Variants in ITGBL1 observed in about 807,000 individuals in gnomAD.
The protein encoded by ITGBL1 is integrin subunit beta like 1.
ITGBL1 carries 51 observed loss-of-function variants against 68.5 expected under a neutral mutation model. That is an observed-to-expected ratio of 0.74 (90% CI 0.59 to 0.94). The LOEUF (loss-of-function observed/expected upper bound fraction) is 0.94, where lower values mean the gene tolerates loss of function less well. Among genes scored for constraint, ITGBL1 ranks in the 40% least tolerant of loss-of-function variants. The pLI, the probability that ITGBL1 is intolerant of heterozygous loss-of-function variation, is 0.00. For missense variants in ITGBL1, 649 were observed against 647.4 expected, an observed-to-expected ratio of 1.00 and a Z score of -0.03; for synonymous variants, 209 against 227.3, an observed-to-expected ratio of 0.92 and a Z score of 0.72.
chr13:101,531,700 G>GTTATTTATTTTC (rs1428797895), intron 2 of ITGBL1, among the ~76,000 whole-genome samples: 1 of 139,998 alleles, frequency 7.1e-6, no homozygotes, highest in Non-Finnish European at 1.5e-5. Context: ...TTTTTATTTT[G>GTTATTTATTTTC]TTATTTATTT....
chr13:101,670,993 A>C (rs1334238666), intron 7 of ITGBL1, among the ~76,000 whole-genome samples: 1 of 152,078 alleles, frequency 6.6e-6, no homozygotes, highest in Non-Finnish European at 1.5e-5. Context: ...TTTCTTCATC[A>C]ATTTTGTCAT....
chr13:101,557,388 C>T (rs1366154501), intron 2 of ITGBL1, among the ~76,000 whole-genome samples: 1 of 152,200 alleles, frequency 6.6e-6, no homozygotes, highest in Non-Finnish European at 1.5e-5. Context: ...CACATATATG[C>T]ACATATAAAT....
At position 101,646,282 on chromosome 13, in the gene ITGBL1, CAG is replaced by C. The variant is rs1355535117; in HGVS notation, c.1016-46302_1016-46301del. On this transcript the variant is annotated intron_variant, in intron 7 of 10. Transcript: ENST00000376180. ...ATGGGTGTTTCCTTTTGAGAGCCAC[CAG>C]GTGTAATTATTTTACCTTGTTGTAT... Among the ~76,000 whole-genome samples, 134 of 151,668 alleles carry C rather than the reference CAG, an allele frequency of 8.8e-4. 1 individual carries two copies. The highest frequency in any genetic ancestry group is 1.2e-3 in the Non-Finnish European group (81 of 67,984).
chr13:101,619,694 G>T (rs896822211), intron 7 of ITGBL1, among the ~76,000 whole-genome samples: 1 of 152,070 alleles, frequency 6.6e-6, no homozygotes, highest in Non-Finnish European at 1.5e-5. Flanking sequence ...ATATTCTTTG[G>T]CATAGTCAAC....
intron 7 of ITGBL1, among the ~76,000 whole-genome samples, chr13:101,691,760 C>G (rs1482862876): frequency 6.6e-6 from 1 of 152,266 alleles, no homozygotes; most frequent in African/African-American, 2.4e-5. Flanking sequence ...AATTTTGAAT[C>G]TATTTCTTCC....
Position 101,548,731 on chromosome 13 carries a change from T to A in ITGBL1, c.317-18968T>A, listed in dbSNP as rs564571761. Among the ~76,000 whole-genome samples the A allele has an allele frequency of 2.0e-4, 31 of 151,798 alleles. 1 individual carries two copies. The South Asian group carries it at 6.2e-3, about 31-fold the overall frequency. The stretch of plus-strand genomic sequence containing the variant: ...AGCTAAAGCAAAAGAAAACAAAATA[T>A]CTGAAACAAAAGGATTATTAGAATT... On this transcript the variant is annotated intron_variant, in intron 2 of 10. Transcript: ENST00000376180.
At chr13:101,555,234 G>A (rs567685498) in intron 2 of ITGBL1, among the ~76,000 whole-genome samples, 1 of 152,192 alleles carries the variant, frequency 6.6e-6, no homozygotes, top group Non-Finnish European at 1.5e-5. Context: ...CACATCAAAA[G>A]TGAAACTTAC....
chr13:101,494,760 G>A (rs898347532), intron 2 of ITGBL1, among the ~76,000 whole-genome samples: 1 of 152,166 alleles, frequency 6.6e-6, no homozygotes, highest in African/African-American at 2.4e-5. Context: ...AGTTTAAAAA[G>A]CCAGAACCAC....
intron 2 of ITGBL1, among the ~76,000 whole-genome samples, chr13:101,469,318 T>C (rs2048425550): frequency 6.6e-6 from 1 of 152,178 alleles, no homozygotes; most frequent in Admixed American, 6.5e-5. Flanking sequence ...TATGAAGGCT[T>C]ATGGGGACAT....
rs531505297 is a variant in ITGBL1, at chr13:101,655,566, T to C, written c.1016-37019T>C. On this transcript the variant is annotated intron_variant, in intron 7 of 10. Transcript: ENST00000376180. ...GAAAATTTTAAGTTTCCCTCTCCTA[T>C]GCTTTCTATTATTTCTGTGTGTAAA... Among the ~76,000 whole-genome samples the C allele has an allele frequency of 3.3e-5, 5 of 152,290 alleles. No individual in the cohort carries two copies. In the East Asian group the frequency reaches 7.7e-4, roughly 23 times the overall value.
At chr13:101,543,368 G>A (rs1180484157) in intron 2 of ITGBL1, among the ~76,000 whole-genome samples, 15 of 152,228 alleles carry the variant, frequency 9.9e-5, no homozygotes, top group Non-Finnish European at 1.8e-4. Context: ...TTTTCTTTAC[G>A]AATGTTGAAT....
intron 7 of ITGBL1, among the ~76,000 whole-genome samples, chr13:101,681,375 C>T (rs2033636164): frequency 6.6e-6 from 1 of 152,280 alleles, no homozygotes; most frequent in East Asian, 1.9e-4. Flanking sequence ...CAAGTCCAGG[C>T]ATCTACCCTG....
At chr13:101,615,800 TAATAATAA>T (rs1220482389) in intron 7 of ITGBL1, among the ~76,000 whole-genome samples, 1 of 151,882 alleles carries the variant, frequency 6.6e-6, no homozygotes, top group African/African-American at 2.4e-5. Context: ...GTAATTATAA[TAATAATAA>T]AATAATAAAT....
chr13:101,641,025 A>T (rs921363534), intron 7 of ITGBL1, among the ~76,000 whole-genome samples: 1 of 152,232 alleles, frequency 6.6e-6, no homozygotes, highest in African/African-American at 2.4e-5. Flanking sequence ...TGAAATCTGC[A>T]CTGCAGAACT....
At chr13:101,638,556 G>A (rs2032253163) in intron 7 of ITGBL1, among the ~76,000 whole-genome samples, 1 of 152,322 alleles carries the variant, frequency 6.6e-6, no homozygotes, top group Admixed American at 6.5e-5. Flanking sequence ...GGCTGGAGAG[G>A]CCTCACAATC....
At chr13:101,582,436 T>C (rs1375999738) in intron 5 of ITGBL1, among the ~76,000 whole-genome samples, 1 of 152,170 alleles carries the variant, frequency 6.6e-6, no homozygotes, top group African/African-American at 2.4e-5. Context: ...TATGTCTCTA[T>C]CAAATGATTA....
At chr13:101,671,028 C>T (rs1181220612) in intron 7 of ITGBL1, among the ~76,000 whole-genome samples, 2 of 152,242 alleles carry the variant, frequency 1.3e-5, no homozygotes, top group East Asian at 3.9e-4. Flanking sequence ...CTGCAGAGTT[C>T]AAATTCATCA....
chr13:101,563,024 A>G (rs769598661), intron 2 of ITGBL1, among the ~76,000 whole-genome samples: 83 of 151,608 alleles, frequency 5.5e-4, no homozygotes, highest in Non-Finnish European at 1.0e-3. Context: ...CCCATAGGTT[A>G]ATAGGAAATC....
chr13:101,550,473 C>A (rs1407429466), intron 2 of ITGBL1, among the ~76,000 whole-genome samples: 1 of 152,134 alleles, frequency 6.6e-6, no homozygotes, highest in African/African-American at 2.4e-5. Context: ...AACTTGATAA[C>A]TATCTCAAAT....
Sources: allele counts gnomAD v4.1 joint callset (sites outside exome capture counted in the v4.1 genomes callset), GRCh38; gene constraint gnomAD v4.1.1; transcripts MANE v1.5; gene names NCBI Gene and HGNC (gene_info 2026-07-23, HGNC 2026-07-21).